The following PCDHGA4 variants were observed in gnomAD, a reference collection of about 807,000 sequenced individuals.
PCDHGA4 encodes protocadherin gamma-A4.
PCDHGA4 carries 38 observed loss-of-function variants against 54.6 expected under a neutral mutation model. The observed-to-expected ratio is 0.70, with a 90% CI of 0.54 to 0.91. PCDHGA4 has a LOEUF of 0.91. Among genes scored for constraint, PCDHGA4 ranks in the 40% least tolerant of loss-of-function variants. The pLI, the probability that PCDHGA4 is intolerant of heterozygous loss-of-function variation, is 0.00. For missense variants in PCDHGA4, 1,298 were observed against 1,220.9 expected (o/e 1.06, Z -0.94); for synonymous variants, 511 against 512.9 (o/e 1.00, Z 0.05).
rs149920059 is a variant in PCDHGA4 at position 141,409,848 on chromosome 5, G to A, written c.2514+52227G>A. 8,006 of 1,612,024 alleles carry A rather than the reference G, an allele frequency of 5.0e-3. 45 individuals are homozygous for A. The highest frequency in any genetic ancestry group is 9.5e-3 in the Admixed American group (567 of 59,794). On this transcript the variant is annotated intron_variant, in intron 1 of 3. Transcript: ENST00000571252. ...ACGCTCAGCGCCAACGTGAGCCTGC[G>A]CGTGTTGGTGGGAGACCGCAATGAC... is the stretch of plus-strand genomic sequence containing the variant.
intron 1 of PCDHGA4, chr5:141,382,822 A>C: frequency 7.6e-7 from 1 of 1,310,696 alleles, no homozygotes; most frequent in Non-Finnish European, 1.1e-6. Context: ...TTCCTAAGAC[A>C]GAGGGGTCCA....
chr5:141,357,700 A>G (rs1760703267), intron 1 of PCDHGA4, 79 bp downstream of exon 1: 1 of 1,495,926 alleles, frequency 6.7e-7, no homozygotes, highest in Non-Finnish European at 9.0e-7. Context: ...TTTTATATGT[A>G]ATATATCAAA....
At chr5:141,403,758 T>G in intron 1 of PCDHGA4, 1 of 1,613,922 alleles carries the variant, frequency 6.2e-7, no homozygotes, top group Non-Finnish European at 8.5e-7. Context: ...GCCAGCGACC[T>G]GGATGAGGGA....
chr5:141,376,055 G>A lies in PCDHGA4; in HGVS notation c.2514+18434G>A, dbSNP rs746662537. On this transcript the variant is annotated intron_variant, in intron 1 of 3. Transcript: ENST00000571252. ...CGGCCAGCCCCCTCTCTCCGCCACTGTCACGCTCACCGTGGCCGTGGCCGA... is the reference window on the plus strand; with the variant it reads ...CGGCCAGCCCCCTCTCTCCGCCACTATCACGCTCACCGTGGCCGTGGCCGA... 4.3e-6 allele frequency: 7 copies of A among 1,613,232 alleles called. No homozygotes were observed. In the Admixed American group the frequency reaches 6.7e-5, roughly 15 times the overall value.
At chr5:141,437,796 G>A (rs2097911691) in intron 1 of PCDHGA4, among the ~76,000 whole-genome samples, 1 of 150,348 alleles carries the variant, frequency 6.7e-6, no homozygotes, top group South Asian at 2.1e-4. Context: ...GGAGTGCAGT[G>A]GCACTATCTT....
At chr5:141,480,942 G>T (rs2099528600) in intron 1 of PCDHGA4, among the ~76,000 whole-genome samples, 3 of 152,132 alleles carry the variant, frequency 2.0e-5, no homozygotes, top group Non-Finnish European at 2.9e-5. Flanking sequence ...CTACTCTAGA[G>T]GCTGAGGCGG....
chr5:141,488,939 T>C (rs1229571704), intron 1 of PCDHGA4, among the ~76,000 whole-genome samples: 1 of 152,114 alleles, frequency 6.6e-6, no homozygotes, highest in Non-Finnish European at 1.5e-5. Context: ...GGAAACTCCA[T>C]AATTGGTTGA....
Position 141,397,017 on chromosome 5 carries a change from G to T in PCDHGA4, c.2514+39396G>T, listed in dbSNP as rs149652099. On this transcript the variant is annotated intron_variant, in intron 1 of 3. Transcript: ENST00000571252. ...TAATCTGACAAATGGACTAAAGAAG[G>T]TTGACCAATGTCCACAAATTTATGT... Among the ~76,000 whole-genome samples, 399 of 152,296 alleles carry T rather than the reference G, an allele frequency of 2.6e-3. 1 individual carries two copies. Among genetic ancestry groups the T allele is most frequent in the Non-Finnish European group, 4.1e-3 (279 of 68,028 alleles).
chr5:141,408,144 G>A (rs868032463), intron 1 of PCDHGA4: 1 of 1,496,186 alleles, frequency 6.7e-7, no homozygotes, highest in Non-Finnish European at 8.9e-7. Flanking sequence ...CTTTTAGCGC[G>A]GTAGAGTGCA....
Position 141,490,457 on chromosome 5 carries a change from T to C in PCDHGA4, c.2515-4350T>C. 1 of 1,614,214 alleles carries C rather than the reference T, an allele frequency of 6.2e-7. No homozygotes were observed. Among genetic ancestry groups the C allele is most frequent in the Non-Finnish European group, 8.5e-7 (1 of 1,180,042 alleles). ...AAGCCTTCTGAGAACCACTACTCGC[T>C]GCTAACCAGCCAGCCTTTGGACCGG... On this transcript the variant is annotated intron_variant, in intron 1 of 3. Coordinates refer to ENST00000571252, the MANE Select transcript of PCDHGA4 (RefSeq NM_018917.4). The surrounding 1 kb of genome is among the most constrained non-coding windows in gnomAD (Gnocchi z 5.4).
At chr5:141,473,942 G>A (rs1419813166) in intron 1 of PCDHGA4, among the ~76,000 whole-genome samples, 3 of 152,124 alleles carry the variant, frequency 2.0e-5, no homozygotes, top group Non-Finnish European at 2.9e-5. Flanking sequence ...AGTAGCTCAG[G>A]CCTGTAGTCC....
intron 1 of PCDHGA4, chr5:141,402,863 A>C: frequency 1.2e-5 from 17 of 1,429,924 alleles, no homozygotes; most frequent in Non-Finnish European, 1.6e-5. Flanking sequence ...TCTAAGGAAA[A>C]GATCACCATA....
intron 1 of PCDHGA4, chr5:141,398,456 C>A (rs1262009079): frequency 6.3e-7 from 1 of 1,590,134 alleles, no homozygotes; most frequent in Non-Finnish European, 8.6e-7. Context: ...GAGGCTGTTG[C>A]TGAAAATCCA....
At chr5:141,500,877 A>ATT (rs369345007) in intron 2 of PCDHGA4, among the ~76,000 whole-genome samples, 3 of 122,284 alleles carry the variant, frequency 2.5e-5, no homozygotes, top group Admixed American at 2.4e-4. Flanking sequence ...TTCATTTACA[A>ATT]TTTTTTTTTT....
chr5:141,412,918 G>A (rs893690519), intron 1 of PCDHGA4: 17 of 414,102 alleles, frequency 4.1e-5, no homozygotes, highest in Non-Finnish European at 5.5e-5. Context: ...TATCACTTGG[G>A]TGCAGTAACT....
intron 1 of PCDHGA4, chr5:141,442,360 G>A (rs890049391): frequency 6.6e-6 from 1 of 152,272 alleles, no homozygotes; most frequent in African/African-American, 2.4e-5. Flanking sequence ...GTAGCTCTAT[G>A]ATGCCATATT....
intron 1 of PCDHGA4, among the ~76,000 whole-genome samples, chr5:141,425,040 A>G (rs2096853898): frequency 6.6e-6 from 1 of 152,182 alleles, no homozygotes; most frequent in South Asian, 2.1e-4. Flanking sequence ...TTAGTTGTAA[A>G]CTGACTATCT....
intron 1 of PCDHGA4, chr5:141,361,668 C>A: frequency 1.2e-6 from 2 of 1,613,670 alleles, no homozygotes; most frequent in Non-Finnish European, 1.7e-6. Flanking sequence ...GCGCGCAGAG[C>A]GGGGTGGTGT....
chr5:141,404,348 G>T lies in PCDHGA4; in HGVS notation c.2514+46727G>T, dbSNP rs370966293. 60 of 1,613,640 alleles carry T rather than the reference G, an allele frequency of 3.7e-5. No individual in the cohort carries two copies. The highest frequency in any genetic ancestry group is 4.9e-5 in the Non-Finnish European group (58 of 1,179,784). ...CTCAGTCTACCTCCCGGAAAACAAC[G>T]CCAGAGGTACTTCCATCTTCTCCGT... On this transcript the variant is annotated intron_variant, in intron 1 of 3. Coordinates refer to ENST00000571252, the MANE Select transcript of PCDHGA4 (RefSeq NM_018917.4).
Sources: allele counts gnomAD v4.1 joint callset (sites outside exome capture counted in the v4.1 genomes callset), GRCh38; gene constraint gnomAD v4.1.1; non-coding constraint Gnocchi (gnomAD v3.1); transcripts MANE v1.5; gene names NCBI Gene and HGNC (gene_info 2026-07-23, HGNC 2026-07-21).